The following MTA3 variants were observed in gnomAD, a reference collection of about 807,000 sequenced individuals.
MTA3 encodes metastasis associated 1 family member 3.
Under a neutral mutation model 83.5 loss-of-function variants are expected in MTA3, and 34 were observed. That is an observed-to-expected ratio of 0.41 (90% CI 0.31 to 0.54). The LOEUF is 0.54. MTA3 is among the 20% of genes least tolerant of loss of function. The probability of loss-of-function intolerance (pLI) is 0.33; values close to 1 mark genes in which losing one functional copy is unlikely to be tolerated. For missense variants in MTA3, 761 were observed against 726.4 expected (o/e 1.05, Z -0.55); for synonymous variants, 303 against 252.7 (o/e 1.20, Z -1.89).
At chr2:42,601,457 A>T (rs957118605) in intron 3 of MTA3, among the ~76,000 whole-genome samples, 1 of 152,216 alleles carries the variant, frequency 6.6e-6, no homozygotes, top group Admixed American at 6.5e-5. Flanking sequence ...CTGTGTAAGC[A>T]CTGAGCACTG....
intron 16 of MTA3, among the ~76,000 whole-genome samples, chr2:42,725,896 T>C (rs1667775515): frequency 6.6e-6 from 1 of 152,182 alleles, no homozygotes; most frequent in African/African-American, 2.4e-5. Context: ...AACAAGAGTG[T>C]AATGGAGGCA....
At chr2:42,527,011 G>A (rs891832309) in intron 2 of MTA3, among the ~76,000 whole-genome samples, 11 of 122,134 alleles carry the variant, frequency 9.0e-5, no homozygotes, top group South Asian at 5.5e-4. Context: ...CTGAGATCCC[G>A]CCACTGCACT....
chr2:42,595,584 C>T (rs1012399151), intron 3 of MTA3, among the ~76,000 whole-genome samples: 5 of 152,080 alleles, frequency 3.3e-5, no homozygotes, highest in African/African-American at 2.4e-5. Flanking sequence ...TGTAAACTGA[C>T]GTGTTTAACC....
intron 2 of MTA3, among the ~76,000 whole-genome samples, chr2:42,575,108 T>A (rs1045345513): frequency 3.3e-5 from 5 of 152,230 alleles, no homozygotes; most frequent in Non-Finnish European, 7.3e-5. Context: ...ACCTCCACTT[T>A]CGCTGAAAGC....
chr2:42,562,387 C>T (rs1677711009), intron 2 of MTA3, among the ~76,000 whole-genome samples: 2 of 152,166 alleles, frequency 1.3e-5, no homozygotes, highest in Admixed American at 6.5e-5. Context: ...GTGTCCCTTT[C>T]CGTCTCCTTC....
intron 2 of MTA3, among the ~76,000 whole-genome samples, chr2:42,563,225 T>C (rs770076390): frequency 6.6e-6 from 1 of 152,122 alleles, no homozygotes; most frequent in Non-Finnish European, 1.5e-5. Context: ...ACACTTCCCA[T>C]TGATTCTTTT....
At chr2:42,591,125 A>G (rs1004607359) in intron 3 of MTA3, among the ~76,000 whole-genome samples, 16 of 152,194 alleles carry the variant, frequency 1.1e-4, no homozygotes, top group African/African-American at 3.6e-4. Context: ...GGTATAGCCT[A>G]TTACACACCT....
intron 5 of MTA3, 97 bp from the exon 6 acceptor site, chr2:42,644,030 C>T: frequency 1.5e-6 from 1 of 673,396 alleles, no homozygotes. Flanking sequence ...TATATACTCT[C>T]TGGGGTTTAT....
chr2:42,503,897 C>G (rs1041871345), intron 2 of MTA3, among the ~76,000 whole-genome samples: 2 of 147,146 alleles, frequency 1.4e-5, no homozygotes, highest in Non-Finnish European at 3.0e-5. Context: ...GCCCTCAGAC[C>G]CATCCAACCC....
chr2:42,587,407 C>G (rs928449169), intron 3 of MTA3, among the ~76,000 whole-genome samples: 3 of 152,104 alleles, frequency 2.0e-5, no homozygotes, highest in Non-Finnish European at 2.9e-5. Context: ...CCCCAAAACC[C>G]AGTTCTCCCC....
chr2:42,753,809 T>C lies in MTA3; in HGVS notation c.*410T>C. 9.8e-7 allele frequency: 1 copy of C among 1,015,930 alleles called. No homozygotes were observed. Among genetic ancestry groups the C allele is most frequent in the Non-Finnish European group, 1.2e-6 (1 of 849,368 alleles). 62.9% of individuals were successfully genotyped at this position (1,015,930 alleles called of 1,614,324 possible). On this transcript the variant is annotated 3_prime_UTR_variant, in exon 17 of 17. Transcript: ENST00000405094. ...CTCAGCTCGGTCTTATGCTGTATAG[T>C]TACTAAATATGTACAGGAGGGCCAT...
At position 42,603,041 on chromosome 2, in the gene MTA3, C is replaced by A. The variant is rs375703424; in HGVS notation, c.191-6417C>A. 4.0e-5 allele frequency among the ~76,000 whole-genome samples: 6 copies of A among 151,800 alleles called. No homozygotes were observed. In the East Asian group the frequency reaches 9.7e-4, roughly 25 times the overall value. ...CTGGAATCCAGGATGGACTGTAATT[C>A]AGGGTAGGACTTTTATGGCTTCCTC... On this transcript the variant is annotated intron_variant, in intron 3 of 16. Transcript: ENST00000405094.
chr2:42,739,399 A>G (rs1475973456), intron 16 of MTA3, among the ~76,000 whole-genome samples: 1 of 152,104 alleles, frequency 6.6e-6, no homozygotes, highest in Non-Finnish European at 1.5e-5. Context: ...AGCATTATGT[A>G]TAAAATAACA....
chr2:42,502,680 C>T (rs1674447872), intron 2 of MTA3, among the ~76,000 whole-genome samples: 1 of 151,698 alleles, frequency 6.6e-6, no homozygotes, highest in Non-Finnish European at 1.5e-5. Flanking sequence ...GCCTGTAATC[C>T]CAGTCACTCA....
chr2:42,651,351 G>A (rs369644916), intron 6 of MTA3, among the ~76,000 whole-genome samples: 3 of 152,222 alleles, frequency 2.0e-5, no homozygotes, highest in Non-Finnish European at 2.9e-5. Context: ...ATTATCTTCA[G>A]TAATAAATTA....
chr2:42,719,114 T>C, intron 15 of MTA3, 40 bp downstream of exon 15: 7 of 1,402,680 alleles, frequency 5.0e-6, no homozygotes, highest in Non-Finnish European at 5.9e-6. Flanking sequence ...AAAGAGCAAT[T>C]TCTGAATAGT....
At chr2:42,693,980 T>C (rs1410080477) in intron 9 of MTA3, among the ~76,000 whole-genome samples, 1 of 152,114 alleles carries the variant, frequency 6.6e-6, no homozygotes, top group African/African-American at 2.4e-5. Flanking sequence ...AGCTGATGAA[T>C]CTTGCAGGGA....
At chr2:42,681,491 A>G (rs770710367) in intron 8 of MTA3, among the ~76,000 whole-genome samples, 14 of 152,066 alleles carry the variant, frequency 9.2e-5, no homozygotes, top group Non-Finnish European at 1.8e-4. Context: ...CAAGAGCTGA[A>G]GTGACTTTGA....
At chr2:42,722,066 C>T (rs1275012334) in intron 15 of MTA3, among the ~76,000 whole-genome samples, 1 of 152,020 alleles carries the variant, frequency 6.6e-6, no homozygotes, top group Non-Finnish European at 1.5e-5. Context: ...GGTGAGAAGG[C>T]AGGGTGGCTT....
Sources: allele counts gnomAD v4.1 joint callset (sites outside exome capture counted in the v4.1 genomes callset), GRCh38; gene constraint gnomAD v4.1.1; transcripts MANE v1.5; gene names NCBI Gene and HGNC (gene_info 2026-07-23, HGNC 2026-07-21).